DSCAML1: variants seen among roughly 807,000 people sequenced by gnomAD.
DSCAML1 encodes cell adhesion molecule DSCAML1.
In DSCAML1, 38 loss-of-function variants were observed where a neutral mutation model predicts 200.5. That is an observed-to-expected ratio of 0.19 (90% CI 0.15 to 0.25). The LOEUF (loss-of-function observed/expected upper bound fraction) is 0.25. DSCAML1 is among the 10% of genes least tolerant of loss of function. The pLI, the probability that DSCAML1 is intolerant of heterozygous loss-of-function variation, is 1.00. For missense variants in DSCAML1, 2,223 were observed against 2,858.8 expected, an observed-to-expected ratio of 0.78 and a Z score of 5.07; for synonymous variants, 1,215 against 1,165.0, an observed-to-expected ratio of 1.04 and a Z score of -0.87.
At chr11:117,715,476 AAAT>A (rs1349354730) in intron 3 of DSCAML1, among the ~76,000 whole-genome samples, 142 of 152,304 alleles carry the variant, frequency 9.3e-4, no homozygotes, top group African/African-American at 3.2e-3. Flanking sequence ...AAAGTATATC[AAAT>A]GCCTACTATG....
intron 3 of DSCAML1, among the ~76,000 whole-genome samples, chr11:117,568,902 G>T (rs1357364998): frequency 2.6e-5 from 4 of 152,224 alleles, no homozygotes; most frequent in East Asian, 3.9e-4. Flanking sequence ...AAAAGAGCCC[G>T]CATCACCAAG....
chr11:117,571,225 C>T (rs568307189), intron 3 of DSCAML1, among the ~76,000 whole-genome samples: 1 of 152,196 alleles, frequency 6.6e-6, no homozygotes, highest in Non-Finnish European at 1.5e-5. Context: ...GGCCTGGGAG[C>T]AGAGGATTTG....
At chr11:117,722,367 G>T (rs2054055349) in intron 3 of DSCAML1, among the ~76,000 whole-genome samples, 3 of 152,056 alleles carry the variant, frequency 2.0e-5, no homozygotes, top group Non-Finnish European at 4.4e-5. Flanking sequence ...GTTATTAGAG[G>T]CTGGGAAAGA....
chr11:117,622,585 C>T (rs928522798), intron 3 of DSCAML1, among the ~76,000 whole-genome samples: 1 of 152,164 alleles, frequency 6.6e-6, no homozygotes, highest in South Asian at 2.1e-4. Context: ...GCTCTCACTC[C>T]ACTCCAGAGT....
chr11:117,652,445 C>G (rs2052652645), intron 3 of DSCAML1, among the ~76,000 whole-genome samples: 4 of 152,240 alleles, frequency 2.6e-5, no homozygotes, highest in Non-Finnish European at 4.4e-5. Context: ...GGGGAAGTCA[C>G]TTACCGTTCC....
At chr11:117,558,758 G>C (rs2137408990) in intron 3 of DSCAML1, among the ~76,000 whole-genome samples, 1 of 152,288 alleles carries the variant, frequency 6.6e-6, no homozygotes, top group African/African-American at 2.4e-5. Context: ...ACAACTCTAA[G>C]GGGTCCACGT....
At chr11:117,796,945 C>T (rs1254192345) in intron 1 of DSCAML1, 89 bp downstream of exon 1, 2 of 1,064,880 alleles carry the variant, frequency 1.9e-6, no homozygotes, top group Non-Finnish European at 2.4e-6. Flanking sequence ...CCCCACGCAC[C>T]TGGAGCCCGC....
Position 117,788,984 on chromosome 11 carries a change from TC to T in DSCAML1, c.46+8049del, listed in dbSNP as rs2055411975. Among the ~76,000 whole-genome samples the T allele has an allele frequency of 1.3e-5, 2 of 152,156 alleles. 1 individual carries two copies. The highest frequency in any genetic ancestry group is 4.1e-4 in the South Asian group (2 of 4,830). On this transcript the variant is annotated intron_variant, in intron 1 of 32. Coordinates refer to ENST00000651296, the MANE Select transcript of DSCAML1 (RefSeq NM_020693.4). ...TGGGAATCTCCCTGTCATTAGACAT[TC>T]CATCCCTCCCCCAACTAAACGCCAG...
chr11:117,563,105 A>G (rs890449984), intron 3 of DSCAML1, among the ~76,000 whole-genome samples: 5 of 152,192 alleles, frequency 3.3e-5, no homozygotes, highest in Admixed American at 2.6e-4. Flanking sequence ...TGCAGCACCA[A>G]GGCCATTTCC....
chr11:117,512,681 C>CACACAT (rs2049655865), intron 8 of DSCAML1, among the ~76,000 whole-genome samples: 1 of 70,266 alleles, frequency 1.4e-5, no homozygotes, highest in African/African-American at 5.2e-5. Context: ...CACACACACA[C>CACACAT]ACACATGCCT....
At chr11:117,430,292 G>A (rs1235690908) in intron 32 of DSCAML1, among the ~76,000 whole-genome samples, 1 of 152,176 alleles carries the variant, frequency 6.6e-6, no homozygotes. Context: ...AAACAGCATT[G>A]AGACCAGAGG....
intron 3 of DSCAML1, among the ~76,000 whole-genome samples, chr11:117,743,886 G>A (rs894430977): frequency 5.9e-5 from 9 of 152,146 alleles, no homozygotes; most frequent in Non-Finnish European, 1.3e-4. Flanking sequence ...CCACACCGAG[G>A]AAAACTCGTC....
intron 17 of DSCAML1, among the ~76,000 whole-genome samples, chr11:117,464,097 A>T (rs2048532299): frequency 6.6e-6 from 1 of 152,072 alleles, no homozygotes; most frequent in Non-Finnish European, 1.5e-5. Flanking sequence ...GGGAAATATC[A>T]TTCTGCCCTC....
chr11:117,715,379 C>G (rs913477954), intron 3 of DSCAML1, among the ~76,000 whole-genome samples: 1 of 152,176 alleles, frequency 6.6e-6, no homozygotes, highest in African/African-American at 2.4e-5. Flanking sequence ...CCCTTTGTAC[C>G]CCCAGCCGTA....
At chr11:117,634,811 A>C (rs2052245483) in intron 3 of DSCAML1, among the ~76,000 whole-genome samples, 1 of 152,192 alleles carries the variant, frequency 6.6e-6, no homozygotes, top group South Asian at 2.1e-4. Context: ...GAGCTTGGAC[A>C]TCCTGAGCTT....
chr11:117,559,513 G>GT (rs2050622507), intron 3 of DSCAML1, among the ~76,000 whole-genome samples: 1 of 152,190 alleles, frequency 6.6e-6, no homozygotes, highest in Non-Finnish European at 1.5e-5. Context: ...ATTTTTGCCT[G>GT]TAACTCCTGC....
At chr11:117,523,556 G>A (rs1169351680) in intron 5 of DSCAML1, among the ~76,000 whole-genome samples, 1 of 152,116 alleles carries the variant, frequency 6.6e-6, no homozygotes, top group Non-Finnish European at 1.5e-5. Context: ...CAGTGAATTT[G>A]TGTTGGGGCG....
rs2055216441 is a variant in DSCAML1, at chr11:117,780,240, G to GAAAGAAAGAAAGAA, written c.364+239_364+252dup. ...GAGAGAAAGAAAGAAAGGAAAGAAA[G>GAAAGAAAGAAAGAA]AAAGAAAGAAAGAAAGAAAGAAAGA... On this transcript the variant is annotated intron_variant, in intron 2 of 32. Transcript: ENST00000651296. The surrounding 1 kb of genome is among the most constrained non-coding windows in gnomAD (Gnocchi z 4.8). 1.6e-5 allele frequency among the ~76,000 whole-genome samples: 1 copy of GAAAGAAAGAAAGAA among 62,476 alleles called. No individual in the cohort carries two copies. The highest frequency in any genetic ancestry group is 6.1e-5 in the African/African-American group (1 of 16,444). 41.0% of individuals were successfully genotyped at this position (62,476 alleles called of 152,430 possible). A position where few individuals can be genotyped will look rare whatever the true frequency, so the allele number is the denominator to read the frequency against.
At chr11:117,589,494 C>T (rs1026800004) in intron 3 of DSCAML1, among the ~76,000 whole-genome samples, 9 of 152,096 alleles carry the variant, frequency 5.9e-5, no homozygotes, top group African/African-American at 2.2e-4. Flanking sequence ...TTCTTAGACA[C>T]GGCAAATGGT....
Sources: allele counts gnomAD v4.1 joint callset (sites outside exome capture counted in the v4.1 genomes callset), GRCh38; gene constraint gnomAD v4.1.1; non-coding constraint Gnocchi (gnomAD v3.1); transcripts MANE v1.5; gene names NCBI Gene and HGNC (gene_info 2026-07-23, HGNC 2026-07-21).